The following C8orf34 variants were observed in gnomAD, a reference collection of about 807,000 sequenced individuals.
C8orf34 encodes uncharacterized protein C8orf34.
Under a neutral mutation model 68.3 loss-of-function variants are expected in C8orf34, and 65 were observed. The observed-to-expected ratio is 0.95, with a 90% CI of 0.78 to 1.17. C8orf34 has a LOEUF of 1.17. Among genes scored for constraint, C8orf34 ranks in the 50% most tolerant of loss-of-function variants. The pLI, the probability that C8orf34 is intolerant of heterozygous loss-of-function variation, is 0.00. For missense variants in C8orf34, 664 were observed against 655.4 expected, an observed-to-expected ratio of 1.01 and a Z score of -0.14; for synonymous variants, 244 against 241.2, an observed-to-expected ratio of 1.01 and a Z score of -0.11.
intron 7 of C8orf34, among the ~76,000 whole-genome samples, chr8:68,632,460 G>T (rs1818718550): frequency 6.6e-6 from 1 of 152,132 alleles, no homozygotes; most frequent in South Asian, 2.1e-4. Context: ...TGAAAAATTT[G>T]CAGCCTGACC....
chr8:68,606,777 G>T (rs952513502), intron 7 of C8orf34, among the ~76,000 whole-genome samples: 1 of 152,058 alleles, frequency 6.6e-6, no homozygotes, highest in African/African-American at 2.4e-5. Flanking sequence ...CATAGTTGAG[G>T]TCATGCATAA....
intron 7 of C8orf34, among the ~76,000 whole-genome samples, chr8:68,616,775 G>T (rs1171914785): frequency 6.6e-6 from 1 of 152,124 alleles, no homozygotes; most frequent in Non-Finnish European, 1.5e-5. Flanking sequence ...TGTTGATCTG[G>T]GGTGGAGAGT....
intron 1 of C8orf34, among the ~76,000 whole-genome samples, chr8:68,415,076 T>C (rs1563418320): frequency 6.6e-6 from 1 of 152,136 alleles, no homozygotes; most frequent in Non-Finnish European, 1.5e-5. Flanking sequence ...GCTAAGTAGG[T>C]CAGCCATGTG....
chr8:68,746,545 AG>A (rs1180535711), intron 10 of C8orf34, among the ~76,000 whole-genome samples: 1 of 128,088 alleles, frequency 7.8e-6, no homozygotes, highest in Non-Finnish European at 1.6e-5. Flanking sequence ...AAAATGATAA[AG>A]GGGATATCAC....
chr8:68,623,913 A>T (rs961136627), intron 7 of C8orf34, among the ~76,000 whole-genome samples: 1 of 152,130 alleles, frequency 6.6e-6, no homozygotes, highest in Non-Finnish European at 1.5e-5. Context: ...TGTTCAGTCC[A>T]TTGCAGTACC....
intron 7 of C8orf34, among the ~76,000 whole-genome samples, chr8:68,536,358 C>CAAA (rs10696903): frequency 0.018 from 881 of 47,854 alleles, 31 homozygotes; most frequent in African/African-American, 0.024. Context: ...GACCCTATCT[C>CAAA]AAAAAAAAAA....
intron 3 of C8orf34, 118 bp downstream of exon 3, chr8:68,446,578 C>T (rs774773304): frequency 1.1e-4 from 120 of 1,080,708 alleles, no homozygotes; most frequent in Non-Finnish European, 1.5e-4. Context: ...GGCCTTTAAT[C>T]TTAGTGAATT....
At chr8:68,674,900 G>A (rs998521025) in intron 8 of C8orf34, among the ~76,000 whole-genome samples, 4 of 151,474 alleles carry the variant, frequency 2.6e-5, no homozygotes, top group Admixed American at 2.6e-4. Context: ...GATCCCAAAA[G>A]CAGCAAGAGA....
intron 10 of C8orf34, among the ~76,000 whole-genome samples, chr8:68,762,128 G>A (rs1294472786): frequency 6.6e-6 from 1 of 152,156 alleles, no homozygotes; most frequent in African/African-American, 2.4e-5. Context: ...AGTGATTAAA[G>A]ATTCTCTTAA....
Position 68,646,889 on chromosome 8 carries a change from C to T in C8orf34, c.1241+6378C>T, listed in dbSNP as rs538861635. ...CAATGATGGACACCTGCAGTGGTTC[C>T]ATAACTTAGCTATTATGAATAATGC... On this transcript the variant is annotated intron_variant, in intron 8 of 13. Coordinates refer to ENST00000518698, the MANE Select transcript of C8orf34 (RefSeq NM_052958.4). Among the ~76,000 whole-genome samples, 613 of 152,200 alleles carry T rather than the reference C, an allele frequency of 4.0e-3. 6 individuals are homozygous for T. Among genetic ancestry groups the T allele is most frequent in the African/African-American group, 0.014 (585 of 41,524 alleles).
chr8:68,795,915 G>A (rs994305111), intron 12 of C8orf34, among the ~76,000 whole-genome samples: 7 of 152,180 alleles, frequency 4.6e-5, no homozygotes, highest in Non-Finnish European at 1.0e-4. Context: ...CATCCTAAGG[G>A]CAGAGGTTCT....
intron 10 of C8orf34, among the ~76,000 whole-genome samples, chr8:68,774,615 C>G (rs539652091): frequency 5.3e-4 from 81 of 152,024 alleles, no homozygotes; most frequent in African/African-American, 1.8e-3. Context: ...AATATTACCA[C>G]CTTTGTGATT....
intron 8 of C8orf34, among the ~76,000 whole-genome samples, chr8:68,648,929 C>T (rs1358239538): frequency 1.3e-5 from 2 of 152,154 alleles, no homozygotes; most frequent in African/African-American, 4.8e-5. Flanking sequence ...TCAATGTGAA[C>T]TCATTTCAAA....
intron 11 of C8orf34, among the ~76,000 whole-genome samples, chr8:68,787,233 T>C (rs1024457816): frequency 6.6e-6 from 1 of 152,148 alleles, no homozygotes; most frequent in African/African-American, 2.4e-5. Flanking sequence ...CTAAATGTTA[T>C]TAAAAGAAGA....
At chr8:68,494,164 A>G (rs1267927846) in intron 5 of C8orf34, among the ~76,000 whole-genome samples, 1 of 152,240 alleles carries the variant, frequency 6.6e-6, no homozygotes, top group African/African-American at 2.4e-5. Flanking sequence ...GTATATACAT[A>G]TATACATACA....
At chr8:68,438,549 C>A (rs2129625641) in intron 1 of C8orf34, 1 of 152,084 alleles carries the variant, frequency 6.6e-6, no homozygotes, top group East Asian at 1.9e-4. Context: ...TAGAACACTG[C>A]CTCTCACAGA....
intron 9 of C8orf34, among the ~76,000 whole-genome samples, chr8:68,713,745 C>T (rs1275524474): frequency 6.6e-6 from 1 of 151,966 alleles, no homozygotes; most frequent in Non-Finnish European, 1.5e-5. Flanking sequence ...AGAATTGGCA[C>T]TATATCAAAA....
At chr8:68,523,765 T>C (rs1814857798) in intron 6 of C8orf34, among the ~76,000 whole-genome samples, 1 of 152,138 alleles carries the variant, frequency 6.6e-6, no homozygotes, top group Non-Finnish European at 1.5e-5. Context: ...CAGAAAGGGT[T>C]GGAGAAAATT....
In C8orf34 at chr8:68,632,617, C is replaced by T. The variant is rs546277578; in HGVS notation, c.1106-7759C>T. Reference sequence around the variant, plus strand: ...ATGTCAGAGATCTTCACAGCAGCCCCTCCCATCGCAAGCCTGGCAGCCTAG... The same window carrying T: ...ATGTCAGAGATCTTCACAGCAGCCCTTCCCATCGCAAGCCTGGCAGCCTAG... On this transcript the variant is annotated intron_variant, in intron 7 of 13. Coordinates refer to ENST00000518698, the MANE Select transcript of C8orf34 (RefSeq NM_052958.4). Among the ~76,000 whole-genome samples, 30 of 152,252 alleles carry T rather than the reference C, an allele frequency of 2.0e-4. 1 individual carries two copies. Among genetic ancestry groups the T allele is most frequent in the South Asian group, 1.0e-3 (5 of 4,826 alleles).
Sources: allele counts gnomAD v4.1 joint callset (sites outside exome capture counted in the v4.1 genomes callset), GRCh38; gene constraint gnomAD v4.1.1; transcripts MANE v1.5; gene names NCBI Gene and HGNC (gene_info 2026-07-23, HGNC 2026-07-21).